CBL: variants seen among roughly 807,000 people sequenced by gnomAD.
The protein encoded by CBL is Cbl proto-oncogene.
A neutral mutation model predicts 96.9 loss-of-function variants in CBL; 45 were observed. The observed-to-expected ratio is 0.46, with a 90% CI of 0.37 to 0.60. The LOEUF (loss-of-function observed/expected upper bound fraction) is 0.60, where lower values mean the gene tolerates loss of function less well. Among genes scored for constraint, CBL ranks in the 20% least tolerant of loss-of-function variants. The probability of loss-of-function intolerance (pLI) is 0.00; values close to 1 mark genes in which losing one functional copy is unlikely to be tolerated. For synonymous variants in CBL, 420 were observed against 426.8 expected (o/e 0.98, Z 0.20); for missense variants, 1,024 against 1,143.5 (o/e 0.90, Z 1.51).
chr11:119,243,797 C>T (rs763923752), intron 2 of CBL, among the ~76,000 whole-genome samples: 17 of 151,966 alleles, frequency 1.1e-4, no homozygotes, highest in Non-Finnish European at 1.6e-4. Context: ...GGTGTGATCA[C>T]AGCTCATTGC....
At chr11:119,219,273 G>A (rs1006618938) in intron 1 of CBL, among the ~76,000 whole-genome samples, 2 of 151,850 alleles carry the variant, frequency 1.3e-5, no homozygotes, top group African/African-American at 4.8e-5. Context: ...CATCTACGTG[G>A]GAGGAGGCTA....
intron 2 of CBL, among the ~76,000 whole-genome samples, chr11:119,268,518 T>C (rs1398739207): frequency 6.6e-6 from 1 of 152,214 alleles, no homozygotes; most frequent in Admixed American, 6.5e-5. Flanking sequence ...CTGAACATGT[T>C]GCTTTGAGGT....
chr11:119,221,276 G>C lies in CBL; in HGVS notation c.196-11172G>C, dbSNP rs1013672864. 9.2e-5 allele frequency among the ~76,000 whole-genome samples: 14 copies of C among 151,648 alleles called. 1 individual carries two copies. In the East Asian group the frequency reaches 2.7e-3, roughly 29 times the overall value. On this transcript the variant is annotated intron_variant, in intron 1 of 15. Transcript: ENST00000264033. ...AAAAAAAAGTATAGGTTTCCGGCTG[G>C]GCACCGTGGCACATCCTGTAATGCC...
chr11:119,253,767 GT>G (rs969737865), intron 2 of CBL, among the ~76,000 whole-genome samples: 1 of 150,880 alleles, frequency 6.6e-6, no homozygotes, highest in African/African-American at 2.4e-5. Flanking sequence ...AGTGTGGGAG[GT>G]TTAGGCTGCA....
Position 119,301,907 on chromosome 11 carries a change from A to T in CBL, c.*2126A>T, listed in dbSNP as rs1943931908. The T allele has an allele frequency of 4.3e-6, 1 of 233,176 alleles. No homozygotes were observed. Among genetic ancestry groups the T allele is most frequent in the Admixed American group, 5.6e-5 (1 of 17,784 alleles). The allele number at this position is 233,176 out of a possible 1,614,324, so 14.4% of individuals were successfully genotyped here. On this transcript the variant is annotated 3_prime_UTR_variant, in exon 16 of 16. Transcript: ENST00000264033. ...GGCCTAGACAAAGAACTAGAAAAAA[A>T]AAAGCAGTTTCCAGGCCCATCCATA...
At chr11:119,284,158 G>T (rs187598029) in intron 9 of CBL, among the ~76,000 whole-genome samples, 3 of 151,628 alleles carry the variant, frequency 2.0e-5, no homozygotes, top group African/African-American at 7.3e-5. Flanking sequence ...CCACTGTACC[G>T]ACTCTCATCT....
intron 2 of CBL, among the ~76,000 whole-genome samples, chr11:119,254,362 A>G (rs1460334693): frequency 6.6e-6 from 1 of 152,192 alleles, no homozygotes; most frequent in African/African-American, 2.4e-5. Context: ...ATTTTGAGAA[A>G]TGTATTGCTG....
chr11:119,227,129 T>C (rs1212085872), intron 1 of CBL, among the ~76,000 whole-genome samples: 1 of 147,744 alleles, frequency 6.8e-6, no homozygotes, highest in Non-Finnish European at 1.5e-5. Context: ...ATAACCATTC[T>C]GCCATTCTGT....
chr11:119,238,280 G>A (rs750207933), intron 2 of CBL, among the ~76,000 whole-genome samples: 1 of 150,970 alleles, frequency 6.6e-6, no homozygotes, highest in African/African-American at 2.4e-5. Context: ...GAGTACAGTG[G>A]CATGACCTTG....
chr11:119,268,176 A>AT (rs1246589627), intron 2 of CBL, among the ~76,000 whole-genome samples: 1 of 152,124 alleles, frequency 6.6e-6, no homozygotes, highest in African/African-American at 2.4e-5. Context: ...TTGATTGTTT[A>AT]TTTTTTCCCT....
At chr11:119,256,192 C>CTT (rs199662024) in intron 2 of CBL, among the ~76,000 whole-genome samples, 3 of 136,860 alleles carry the variant, frequency 2.2e-5, no homozygotes, top group Non-Finnish European at 3.2e-5. Flanking sequence ...TTTGTACATT[C>CTT]TTTTTTTTTT....
intron 1 of CBL, among the ~76,000 whole-genome samples, chr11:119,214,509 A>G (rs895656736): frequency 2.0e-5 from 3 of 152,220 alleles, no homozygotes; most frequent in African/African-American, 7.2e-5. Flanking sequence ...GCGACCTCCC[A>G]AAGTACTGGG....
At chr11:119,274,687 C>A (rs1949874750) in intron 4 of CBL, 145 bp from the exon 5 acceptor site, 1 of 754,062 alleles carries the variant, frequency 1.3e-6, no homozygotes, top group Non-Finnish European at 2.3e-6. Flanking sequence ...CTCCTGAACA[C>A]ATGTGTCTTC....
chr11:119,260,749 A>G (rs974445881), intron 2 of CBL, among the ~76,000 whole-genome samples: 3 of 151,828 alleles, frequency 2.0e-5, no homozygotes, highest in African/African-American at 4.8e-5. Flanking sequence ...TCAGGCTCCC[A>G]TTACTTTTCT....
At chr11:119,230,731 C>T (rs887704778) in intron 1 of CBL, among the ~76,000 whole-genome samples, 4 of 152,068 alleles carry the variant, frequency 2.6e-5, no homozygotes, top group African/African-American at 7.2e-5. Context: ...GTAATGTCAC[C>T]GCTGATACTG....
chr11:119,235,358 G>A lies in CBL; in HGVS notation c.443+2663G>A, dbSNP rs192988070. Among the ~76,000 whole-genome samples, 44 of 152,102 alleles carry A rather than the reference G, an allele frequency of 2.9e-4. 1 individual carries two copies. The highest frequency in any genetic ancestry group is 9.6e-4 in the African/African-American group (40 of 41,498). ...TCAAACTCCTGGCCTCAAGTGATCCGCCCGCCTTGGCCTCTATTTTATATG... is the reference window on the plus strand; with the variant it reads ...TCAAACTCCTGGCCTCAAGTGATCCACCCGCCTTGGCCTCTATTTTATATG... On this transcript the variant is annotated intron_variant, in intron 2 of 15. Transcript: ENST00000264033.
chr11:119,302,712 G>C lies in CBL; in HGVS notation c.*2931G>C, dbSNP rs181053928. The C allele has an allele frequency of 8.7e-6, 2 of 231,096 alleles. No individual in the cohort carries two copies. Among genetic ancestry groups the C allele is most frequent in the Non-Finnish European group, 1.7e-5 (2 of 116,708 alleles). 14.3% of individuals were successfully genotyped at this position (231,096 alleles called of 1,614,324 possible). A position where few individuals can be genotyped will look rare whatever the true frequency, so the allele number is the denominator to read the frequency against. On this transcript the variant is annotated 3_prime_UTR_variant, in exon 16 of 16. Coordinates refer to ENST00000264033, the MANE Select transcript of CBL (RefSeq NM_005188.4). The stretch of plus-strand genomic sequence containing the variant: ...CTGTCGCCATGTTCCTTCCACTAAA[G>C]TAGAGGGTTCTTAAAATGGAAAAAC...
chr11:119,284,935 G>A (rs770752860), intron 9 of CBL, 34 bp from the exon 10 acceptor site: 39 of 1,612,980 alleles, frequency 2.4e-5, no homozygotes, highest in Admixed American at 5.0e-5. Flanking sequence ...TTCCCCAAAC[G>A]AAAGTAATCT....
At position 119,206,609 on chromosome 11, in the gene CBL, C is replaced by A. The variant is rs1565851628; in HGVS notation, c.192C>A (p.Asp64Glu). Residue 64 changes from aspartate to glutamate, a missense_variant, in exon 1 of 16, where the codon GAC (aspartate) becomes GAA (glutamate). By Grantham distance (45) the Asp-to-Glu change is conservative. Coordinates refer to ENST00000264033, the MANE Select transcript of CBL (RefSeq NM_005188.4). The stretch of plus-strand genomic sequence containing the variant: ...TGGAGAAGTGCTGGAAGCTCATGGA[C>A]AAGGTGAAAGGCCGGCTGAGCGCCC... ...KMVEKCWKLMDKVVRLCQNPK... is the reference protein window; with the variant it reads ...KMVEKCWKLMEKVVRLCQNPK... The A allele has an allele frequency of 6.5e-7, 1 of 1,547,348 alleles. No individual in the cohort carries two copies. Among genetic ancestry groups the A allele is most frequent in the Non-Finnish European group, 8.7e-7 (1 of 1,145,898 alleles).
Sources: allele counts gnomAD v4.1 joint callset (sites outside exome capture counted in the v4.1 genomes callset), GRCh38; gene constraint gnomAD v4.1.1; transcripts MANE v1.5; gene names NCBI Gene and HGNC (gene_info 2026-07-23, HGNC 2026-07-21).